Variants in GNAL observed in about 807,000 individuals in gnomAD.
GNAL encodes the protein G protein subunit alpha L.
In GNAL, 18 loss-of-function variants were observed where a neutral mutation model predicts 55.1. That is an observed-to-expected ratio of 0.33 (90% CI 0.23 to 0.48). The LOEUF (loss-of-function observed/expected upper bound fraction) is 0.48. Ranked by LOEUF, GNAL falls within the 20% of genes least tolerant of loss-of-function variation. The probability of loss-of-function intolerance (pLI) is 0.99; values close to 1 mark genes in which losing one functional copy is unlikely to be tolerated. For missense variants in GNAL, 412 were observed against 614.1 expected (o/e 0.67, Z 3.48); for synonymous variants, 253 against 237.0 (o/e 1.07, Z -0.62).
At chr18:11,710,635 CT>C (rs35833228) in intron 1 of GNAL, among the ~76,000 whole-genome samples, 29,848 of 144,764 alleles carry the variant, frequency 0.21, 6,182 homozygotes, top group African/African-American at 0.54. Flanking sequence ...TTTCTCTCTC[CT>C]TTTTTTTTTT....
At chr18:11,709,280 G>C (rs1190220195) in intron 1 of GNAL, among the ~76,000 whole-genome samples, 3 of 150,834 alleles carry the variant, frequency 2.0e-5, no homozygotes, top group African/African-American at 7.3e-5. Flanking sequence ...TGTCTACTTG[G>C]GGTCCTTTGT....
chr18:11,746,293 G>T (rs1014238116), intron 1 of GNAL: 2 of 348,002 alleles, frequency 5.7e-6, no homozygotes, highest in Admixed American at 3.6e-5. Context: ...GCAAGCTTTG[G>T]TTCCTTTTTA....
At chr18:11,835,450 G>A (rs2035478783) in intron 5 of GNAL, among the ~76,000 whole-genome samples, 1 of 150,612 alleles carries the variant, frequency 6.6e-6, no homozygotes, top group Non-Finnish European at 1.5e-5. Flanking sequence ...AATGTAGCAA[G>A]AACCTGTCTC....
chr18:11,739,630 G>A (rs1326649948), intron 1 of GNAL, among the ~76,000 whole-genome samples: 1 of 151,902 alleles, frequency 6.6e-6, no homozygotes, highest in Non-Finnish European at 1.5e-5. Flanking sequence ...AAGAATACAG[G>A]TCCCTTTCCT....
At chr18:11,783,546 A>G (rs1354470830) in intron 4 of GNAL, among the ~76,000 whole-genome samples, 1 of 152,196 alleles carries the variant, frequency 6.6e-6, no homozygotes, top group Non-Finnish European at 1.5e-5. Flanking sequence ...ACTTCTTTTA[A>G]TGAATACATC....
intron 4 of GNAL, among the ~76,000 whole-genome samples, chr18:11,779,071 G>C (rs1300272391): frequency 6.6e-6 from 1 of 152,138 alleles, no homozygotes; most frequent in Admixed American, 6.5e-5. Flanking sequence ...TGTGAAAAGA[G>C]CCAGAGACAG....
intron 1 of GNAL, among the ~76,000 whole-genome samples, chr18:11,697,827 G>A (rs541867841): frequency 6.6e-6 from 1 of 152,338 alleles, no homozygotes; most frequent in East Asian, 1.9e-4. Flanking sequence ...GTCTAGATGT[G>A]TTGAGACTGA....
chr18:11,883,009 A>G lies in GNAL; in HGVS notation c.*1874A>G, dbSNP rs1027663853. ...GATGTCCAAAGTTAAATTTTCAACA[A>G]TACAAATCTAGAGAAGTGACAGCCT... On this transcript the variant is annotated 3_prime_UTR_variant, in exon 12 of 12. Transcript: ENST00000334049. 1.3e-5 allele frequency: 2 copies of G among 151,978 alleles called. No homozygotes were observed. The highest frequency in any genetic ancestry group is 4.8e-5 in the African/African-American group (2 of 41,368). The allele number at this position is 151,978 out of a possible 1,614,324, so 9.4% of individuals were successfully genotyped here. A position where few individuals can be genotyped will look rare whatever the true frequency, so the allele number is the denominator to read the frequency against.
Position 11,788,446 on chromosome 18 carries a change from G to GC in GNAL, c.624+34506dup, listed in dbSNP as rs564816085. ...TGCAGATGGCCTCATTTATAAGTGT[G>GC]CCCCCACCCCATTTTCTCTGTACTT... On this transcript the variant is annotated intron_variant, in intron 4 of 11. Coordinates refer to ENST00000334049, the MANE Select transcript of GNAL (RefSeq NM_182978.4). Among the ~76,000 whole-genome samples, 183 of 152,210 alleles carry GC rather than the reference G, an allele frequency of 1.2e-3. 1 individual carries two copies. Among genetic ancestry groups the GC allele is most frequent in the African/African-American group, 4.2e-3 (175 of 41,524 alleles).
chr18:11,713,534 G>T (rs2031885046), intron 1 of GNAL, among the ~76,000 whole-genome samples: 1 of 152,168 alleles, frequency 6.6e-6, no homozygotes, highest in Non-Finnish European at 1.5e-5. Context: ...TGTTGTACTG[G>T]ATACTGTCAA....
intron 1 of GNAL, among the ~76,000 whole-genome samples, chr18:11,735,001 A>C (rs2032428489): frequency 6.7e-6 from 1 of 148,422 alleles, no homozygotes; most frequent in Non-Finnish European, 1.5e-5. Flanking sequence ...GGAAAACGCC[A>C]GGCCGACGTG....
At chr18:11,802,411 T>TCCCCACTG (rs1313086996) in intron 4 of GNAL, among the ~76,000 whole-genome samples, 2 of 152,110 alleles carry the variant, frequency 1.3e-5, no homozygotes, top group African/African-American at 4.8e-5. Flanking sequence ...GTGGTTGAAT[T>TCCCCACTG]CCCCACTGCC....
chr18:11,716,596 T>C (rs187840115), intron 1 of GNAL, among the ~76,000 whole-genome samples: 33 of 152,242 alleles, frequency 2.2e-4, no homozygotes, highest in Admixed American at 9.8e-4. Context: ...TGGGTGCTGA[T>C]TGGTGCATTT....
At chr18:11,851,771 A>G (rs372085953) in intron 5 of GNAL, 5 of 1,614,004 alleles carry the variant, frequency 3.1e-6, no homozygotes, top group Middle Eastern at 1.6e-4. Flanking sequence ...ACGATGGGCA[A>G]GGTGACCAAG....
Position 11,699,557 on chromosome 18 carries a change from GA to G in GNAL, c.376+9619del, listed in dbSNP as rs1376331904. On this transcript the variant is annotated intron_variant, in intron 1 of 11. Coordinates refer to ENST00000334049, the MANE Select transcript of GNAL (RefSeq NM_182978.4). ...TACTTAGTTGTTGGGTTTTTTTTTT[GA>G]GGGGGGGGGTTGGCTTTAAGCTGAA... Among the ~76,000 whole-genome samples the G allele has an allele frequency of 7.6e-3, 764 of 100,276 alleles. 6 individuals carry two copies. The African/African-American group carries it at 0.083, about 11-fold the overall frequency. 65.8% of individuals were successfully genotyped at this position (100,276 alleles called of 152,430 possible).
At chr18:11,817,617 T>C (rs1598403871) in intron 4 of GNAL, among the ~76,000 whole-genome samples, 1 of 152,304 alleles carries the variant, frequency 6.6e-6, no homozygotes, top group East Asian at 1.9e-4. Flanking sequence ...GTTGTGTTTT[T>C]TGAGACAGAT....
At chr18:11,690,602 C>A (rs1430138957) in intron 1 of GNAL, among the ~76,000 whole-genome samples, 1 of 115,116 alleles carries the variant, frequency 8.7e-6, no homozygotes, top group Non-Finnish European at 1.8e-5. Flanking sequence ...AAAGCTATCC[C>A]TCCCCCCTCC....
intron 4 of GNAL, among the ~76,000 whole-genome samples, chr18:11,784,027 C>T (rs532549999): frequency 6.2e-4 from 94 of 152,358 alleles, no homozygotes; most frequent in African/African-American, 2.2e-3. Context: ...ACTCCAGGCC[C>T]CCTGGTACCT....
At chr18:11,706,324 TA>T (rs200816100) in intron 1 of GNAL, among the ~76,000 whole-genome samples, 2 of 151,876 alleles carry the variant, frequency 1.3e-5, no homozygotes, top group South Asian at 2.1e-4. Context: ...CATCATGTCT[TA>T]AAAAAAAGCA....
Sources: allele counts gnomAD v4.1 joint callset (sites outside exome capture counted in the v4.1 genomes callset), GRCh38; gene constraint gnomAD v4.1.1; transcripts MANE v1.5; gene names NCBI Gene and HGNC (gene_info 2026-07-23, HGNC 2026-07-21).